ABCC4: variants seen among roughly 807,000 people sequenced by gnomAD.
ABCC4 encodes the protein ATP-binding cassette sub-family C member 4.
A neutral mutation model predicts 168.5 loss-of-function variants in ABCC4; 102 were observed. The ratio of observed to expected loss-of-function variants is 0.61; its 90% CI spans 0.52 to 0.71. The LOEUF (loss-of-function observed/expected upper bound fraction) is 0.71, where lower values mean the gene tolerates loss of function less well. ABCC4 is among the 30% of genes least tolerant of loss of function. The pLI, the probability that ABCC4 is intolerant of heterozygous loss-of-function variation, is 0.00. For synonymous variants in ABCC4, 617 were observed against 590.7 expected (o/e 1.04, Z -0.65); for missense variants, 1,402 against 1,605.8 (o/e 0.87, Z 2.17).
At chr13:95,264,965 T>C (rs2040630625) in intron 1 of ABCC4, among the ~76,000 whole-genome samples, 1 of 150,348 alleles carries the variant, frequency 6.7e-6, no homozygotes, top group Non-Finnish European at 1.5e-5. Context: ...GCTTCCTGGG[T>C]TCAAGCGATT....
chr13:95,194,318 G>A (rs1381262192), intron 9 of ABCC4, among the ~76,000 whole-genome samples: 1 of 152,192 alleles, frequency 6.6e-6, no homozygotes, highest in Admixed American at 6.5e-5. Context: ...GCCTTGGGCT[G>A]CCACCAAAGC....
intron 19 of ABCC4, among the ~76,000 whole-genome samples, chr13:95,120,365 G>A (rs567240807): frequency 3.0e-4 from 45 of 152,184 alleles, no homozygotes; most frequent in African/African-American, 1.1e-3. Flanking sequence ...AGGAGTTCAA[G>A]ACCGGCCTGG....
At chr13:95,298,051 G>A (rs1452520680) in intron 1 of ABCC4, among the ~76,000 whole-genome samples, 2 of 152,126 alleles carry the variant, frequency 1.3e-5, no homozygotes, top group Non-Finnish European at 2.9e-5. Context: ...CATTTTTGGA[G>A]GCCAAGGCGG....
chr13:95,163,743 C>A (rs1199285100), intron 16 of ABCC4, 96 bp from the exon 17 acceptor site: 5 of 1,075,574 alleles, frequency 4.6e-6, no homozygotes, highest in Non-Finnish European at 5.6e-6. Context: ...CGAAAGAAAG[C>A]CCTCAAAGCC....
Position 95,062,859 on chromosome 13 carries a change from C to T in ABCC4, c.3211G>A (p.Val1071Ile), listed in dbSNP as rs11568653. 3.2e-4 allele frequency: 520 copies of T among 1,601,382 alleles called. No individual in the cohort carries two copies. In the African/African-American group the frequency reaches 6.3e-3, roughly 19 times the overall value. Residue 1071 changes from valine (V) to isoleucine (I), a missense_variant and splice_region_variant, in exon 26 of 31, where the codon GTT becomes ATT. Val to Ile is a conservative substitution (Grantham distance 29). Around this residue, in one of 3 missense-constraint regions of ABCC4, gnomAD observed 1,007 missense variants for 1,127.3 expected, o/e 0.89. Transcript: ENST00000645237. ...GCTCCGGTTCTTCCCACAATGCCAA[C>T]CTACAGAGAGATCCAGGCGGCAGGA... The part of the protein sequence containing the change: ...LTALIKSQEK[V>I]GIVGRTGAGK...
Position 95,186,839 on chromosome 13 carries a change from G to A in ABCC4, c.1407C>T (p.Val469=). 6.2e-7 allele frequency: 1 copy of A among 1,614,010 alleles called. No homozygotes were observed. The highest frequency in any genetic ancestry group is 1.7e-5 in the Admixed American group (1 of 60,004). Residue 469 remains valine (V), a synonymous_variant, in exon 11 of 31, where the codon GTC becomes GTT. Transcript: ENST00000645237. ...CATAGGCAATTCTTCCATGCACGCT[G>A]ACCAGCCCGTGACTTGGGGCCAATT... ...LGELAPSHGL[V]SVHGRIAYVS... is the part of the protein sequence containing the mutation.
intron 8 of ABCC4, among the ~76,000 whole-genome samples, chr13:95,201,850 G>A (rs2038636897): frequency 6.6e-6 from 1 of 152,192 alleles, no homozygotes; most frequent in African/African-American, 2.4e-5. Flanking sequence ...GCTCACGCCT[G>A]TAATCCCAAC....
At chr13:95,040,293 G>A (rs569881820) in intron 29 of ABCC4, among the ~76,000 whole-genome samples, 4 of 152,124 alleles carry the variant, frequency 2.6e-5, no homozygotes, top group East Asian at 1.9e-4. Context: ...GTGCAGTGGC[G>A]CGATCTCGGC....
At chr13:95,202,644 CTTTTTTTTTT>C (rs10603210) in intron 8 of ABCC4, among the ~76,000 whole-genome samples, 5 of 93,066 alleles carry the variant, frequency 5.4e-5, no homozygotes, top group African/African-American at 1.2e-4. Flanking sequence ...AGAATGTGCA[CTTTTTTTTTT>C]TTTTTTTTTT....
chr13:95,029,239 G>A (rs1393605763), intron 30 of ABCC4, among the ~76,000 whole-genome samples: 13 of 8,930 alleles, frequency 1.5e-3, no homozygotes, highest in African/African-American at 3.5e-3. Flanking sequence ...GAGAGAGAGA[G>A]AGAGAGAGAG....
At chr13:95,128,106 G>C (rs2035846202) in intron 19 of ABCC4, among the ~76,000 whole-genome samples, 1 of 152,188 alleles carries the variant, frequency 6.6e-6, no homozygotes, top group South Asian at 2.1e-4. Context: ...CCTGAGGGCT[G>C]AGCTGACCTC....
At chr13:95,021,707 A>G in intron 30 of ABCC4, 25 bp from the exon 31 acceptor site, 1 of 1,523,158 alleles carries the variant, frequency 6.6e-7, no homozygotes, top group Non-Finnish European at 9.0e-7. Flanking sequence ...GGTAAGCATA[A>G]AAAGAATGTT....
chr13:95,029,204 A>G (rs1400833033), intron 30 of ABCC4, among the ~76,000 whole-genome samples: 1 of 66,312 alleles, frequency 1.5e-5, no homozygotes, highest in Non-Finnish European at 2.8e-5. Context: ...ATATATATAT[A>G]TATATATATA....
intron 7 of ABCC4, among the ~76,000 whole-genome samples, chr13:95,207,408 A>G (rs539976408): frequency 6.6e-6 from 1 of 152,354 alleles, no homozygotes; most frequent in East Asian, 1.9e-4. Flanking sequence ...TGATTCATAT[A>G]GTTTGGTCCA....
At chr13:95,174,775 C>T (rs1289105725) in intron 13 of ABCC4, among the ~76,000 whole-genome samples, 1 of 152,136 alleles carries the variant, frequency 6.6e-6, no homozygotes, top group African/African-American at 2.4e-5. Flanking sequence ...AGGCCCTTCT[C>T]GGCGAAATGG....
At chr13:95,281,064 A>G (rs970708562) in intron 1 of ABCC4, among the ~76,000 whole-genome samples, 1 of 151,982 alleles carries the variant, frequency 6.6e-6, no homozygotes, top group Non-Finnish European at 1.5e-5. Flanking sequence ...CAAAAGCCAG[A>G]TAGTTCAGGT....
chr13:95,068,035 A>G lies in ABCC4; in HGVS notation c.3210+3627T>C, dbSNP rs191841727. On this transcript the variant is annotated intron_variant, in intron 25 of 30. Transcript: ENST00000645237. ...TGAATTAGAAACCTACTTAGCGCCT[A>G]TTACTTTTTCCTATTTGTTATAATG... is the stretch of plus-strand genomic sequence containing the variant. Among the ~76,000 whole-genome samples the G allele has an allele frequency of 3.3e-5, 5 of 152,298 alleles. No homozygotes were observed. In the East Asian group the frequency reaches 9.7e-4, roughly 29 times the overall value.
intron 20 of ABCC4, among the ~76,000 whole-genome samples, chr13:95,107,303 TGACA>T (rs2035043005): frequency 6.6e-6 from 1 of 152,176 alleles, no homozygotes; most frequent in African/African-American, 2.4e-5. Context: ...GTATAAATTG[TGACA>T]GAAACATTCC....
chr13:95,052,981 G>T, intron 27 of ABCC4, 114 bp downstream of exon 27: 1 of 848,342 alleles, frequency 1.2e-6, no homozygotes, highest in Non-Finnish European at 2.0e-6. Flanking sequence ...CTCCTGGGTG[G>T]TGAACAAAGT....
Sources: gnomAD v4.1 joint callset for allele counts (sites outside exome capture counted in the v4.1 genomes callset) on GRCh38, gnomAD v4.1.1 for gene constraint, gnomAD v4.1.1 regional missense constraint, MANE v1.5 for transcripts, NCBI Gene and HGNC (gene_info 2026-07-23, HGNC 2026-07-21) for gene names.